Variants in AMHR2 observed in about 807,000 individuals in gnomAD.
AMHR2 encodes anti-Muellerian hormone type-2 receptor.
Under a neutral mutation model 61.4 loss-of-function variants are expected in AMHR2, and 36 were observed. The observed-to-expected ratio is 0.59, with a 90% confidence interval of 0.45 to 0.77. The LOEUF is 0.77. Among genes scored for constraint, AMHR2 ranks in the 30% least tolerant of loss-of-function variants. The pLI, the probability that AMHR2 is intolerant of heterozygous loss-of-function variation, is 0.00. For missense variants in AMHR2, 638 were observed against 714.6 expected, an observed-to-expected ratio of 0.89 and a Z score of 1.22; for synonymous variants, 258 against 279.4, an observed-to-expected ratio of 0.92 and a Z score of 0.76.
chr12:53,424,635 CTG>C, intron 2 of AMHR2, 72 bp from the exon 3 acceptor site: 1 of 1,543,872 alleles, frequency 6.5e-7, no homozygotes, highest in Non-Finnish European at 8.9e-7. Flanking sequence ...GATTTACCCT[CTG>C]TTTCCACACC....
chr12:53,424,589 C>A, intron 2 of AMHR2, 119 bp downstream of exon 2: 1 of 1,542,940 alleles, frequency 6.5e-7, no homozygotes, highest in East Asian at 2.3e-5. Context: ...AAGAAAAGCC[C>A]ATGAGAGCTG....
rs1939865092 is a variant in AMHR2, at chr12:53,429,002, G to A, written c.959G>A (p.Trp320Ter). ...QGLAFLHEER[W>*]QNGQYKPGIA... ...CTGGCATTTCTCCATGAGGAGCGCT[G>A]GCAGAATGGTGGGTGAGCTGGGCAT... Residue 320 changes from tryptophan (W) to a stop codon, truncating the protein, a stop_gained, in exon 7 of 11, where the codon TGG becomes TAG. Transcript: ENST00000257863. LOFTEE classifies it high-confidence loss of function. The A allele has an allele frequency of 6.4e-7, 1 of 1,550,946 alleles. No homozygotes were observed. Among genetic ancestry groups the A allele is most frequent in the Admixed American group, 2.0e-5 (1 of 50,974 alleles).
chr12:53,424,353 C>G lies in AMHR2; in HGVS notation c.115C>G (p.Leu39Val), dbSNP rs1017890346. 3 of 1,613,446 alleles carry G rather than the reference C, an allele frequency of 1.9e-6. No individual in the cohort carries two copies. The highest frequency in any genetic ancestry group is 2.5e-6 in the Non-Finnish European group (3 of 1,180,030). ...APGVRGSTKT[L>V]GELLDTGTEL... ...TGGAGTGCGGGGAAGCACAAAGACA[C>G]TGGGAGAGCTGCTAGATACAGGCAC... is the stretch of plus-strand genomic sequence containing the variant. The change falls in exon 2 of 11, where the codon CTG (leucine) becomes GTG (valine). Residue 39 changes from leucine to valine, a missense_variant. Physicochemically the swap from Leu to Val is conservative, Grantham distance 32 (BLOSUM62 1). Coordinates refer to ENST00000257863, the MANE Select transcript of AMHR2 (RefSeq NM_020547.3).
rs784890 is a variant in AMHR2, at chr12:53,429,523, G to A, written c.1038G>A (p.Ser346=). The A allele has an allele frequency of 0.026, 42,643 of 1,613,314 alleles. 9,038 individuals are homozygous for A. The African/African-American group carries it at 0.48, about 18-fold the overall frequency. ...SQNVLIREDG[S]CAIGDLGLAL... is the part of the protein sequence containing the mutation. ...ATGTGCTCATTCGGGAAGATGGATC[G>A]TGTGCCATTGGAGACCTGGGCCTTG... Residue 346 remains serine, a synonymous_variant, in exon 8 of 11, where the codon TCG becomes TCA. Coordinates refer to ENST00000257863, the MANE Select transcript of AMHR2 (RefSeq NM_020547.3).
Position 53,431,477 on chromosome 12 carries a change from T to G in AMHR2, c.*4T>G, listed in dbSNP as rs537085603. 25 of 1,614,228 alleles carry G rather than the reference T, an allele frequency of 1.5e-5. No individual in the cohort carries two copies. In the East Asian group the frequency reaches 2.9e-4, roughly 19 times the overall value. Reference sequence around the variant, plus strand: ...CTGTACCCTTTCTCCTGTGTAAATATGCAGTTTATGTGTCATCAATGTACA... The same window carrying G: ...CTGTACCCTTTCTCCTGTGTAAATAGGCAGTTTATGTGTCATCAATGTACA... On this transcript the variant is annotated 3_prime_UTR_variant, in exon 11 of 11. Transcript: ENST00000257863.
chr12:53,429,114 C>CG, intron 7 of AMHR2, 104 bp downstream of exon 7: 3 of 1,110,076 alleles, frequency 2.7e-6, no homozygotes, highest in Non-Finnish European at 4.0e-6. Context: ...GAGGAAGAGC[C>CG]GGGCACGGTG....
intron 9 of AMHR2, 34 bp downstream of exon 9, chr12:53,430,012 C>A (rs761389371): frequency 6.2e-7 from 1 of 1,614,162 alleles, no homozygotes. Flanking sequence ...CTCTCCTGGG[C>A]TCCCCCCCGC....
rs368257761 is a variant in AMHR2, at chr12:53,424,457, G to A, written c.219G>A (p.Gln73=). 3.0e-4 allele frequency: 483 copies of A among 1,613,076 alleles called. 2 individuals are homozygous for A. The highest frequency in any genetic ancestry group is 1.2e-3 in the South Asian group (112 of 90,968). The change falls in exon 2 of 11, where the codon CAG becomes CAA. Residue 73 remains glutamine (Q), a synonymous_variant. Transcript: ENST00000257863. ...GIWNLTQDRA[Q]VEMQGCRDSD... Reference sequence around the variant, plus strand: ...GGAACCTGACCCAAGACCGGGCACAGGTGGAAATGCAAGGTGAATGGCAAA... The same window carrying A: ...GGAACCTGACCCAAGACCGGGCACAAGTGGAAATGCAAGGTGAATGGCAAA...
At chr12:53,431,062 A>G (rs1940058198) in intron 10 of AMHR2, 115 bp from the exon 11 acceptor site, 1 of 1,315,040 alleles carries the variant, frequency 7.6e-7, no homozygotes, top group South Asian at 1.2e-5. Flanking sequence ...GGCTCCAGGA[A>G]AGATCAGAAG....
Position 53,424,294 on chromosome 12 carries a change from C to A in AMHR2, c.56C>A (p.Pro19Gln). The A allele has an allele frequency of 1.2e-6, 2 of 1,612,490 alleles. No homozygotes were observed. Among genetic ancestry groups the A allele is most frequent in the South Asian group, 1.1e-5 (1 of 90,998 alleles). The change falls in exon 2 of 11, where the codon CCA becomes CAA. Residue 19 changes from proline (P) to glutamine (Q), a missense_variant. Pro to Gln is a moderately conservative substitution (Grantham distance 76). Transcript: ENST00000257863. ...TCCCCACCCTGGGCCTCAGCACCCC[C>A]AAACAGGCGAACCTGTGTGTTCTTT... The part of the protein sequence containing the change: ...ALLPTAVEAP[P>Q]NRRTCVFFEA...
chr12:53,425,980 G>A (rs1453053433), intron 6 of AMHR2, 61 bp downstream of exon 6: 9 of 1,496,482 alleles, frequency 6.0e-6, no homozygotes, highest in East Asian at 2.3e-5. Flanking sequence ...AGAGGTGGGG[G>A]CTACATGGCA....
At position 53,431,198 on chromosome 12, in the gene AMHR2, C is replaced by A; in HGVS notation, c.1447C>A (p.Leu483Ile). 6.2e-7 allele frequency: 1 copy of A among 1,614,204 alleles called. No homozygotes were observed. The highest frequency in any genetic ancestry group is 1.3e-5 in the African/African-American group (1 of 75,058). The change falls in exon 11 of 11, where the codon CTC (leucine) becomes ATC (isoleucine). Residue 483 changes from leucine (L) to isoleucine (I), a missense_variant. Transcript: ENST00000257863. The part of the protein sequence containing the change: ...FATDPDGLRE[L>I]LEDCWDADPE... ...CCAGGACCCTGATGGGCTGAGGGAG[C>A]TCCTAGAAGACTGTTGGGATGCAGA...
Position 53,429,492 on chromosome 12 carries a change from G to A in AMHR2, c.1007G>A (p.Ser336Asn), listed in dbSNP as rs1251607757. The A allele has an allele frequency of 1.2e-6, 2 of 1,613,734 alleles. No homozygotes were observed. The highest frequency in any genetic ancestry group is 1.7e-6 in the Non-Finnish European group (2 of 1,179,978). The change falls in exon 8 of 11, where the codon AGC becomes AAC. Residue 336 changes from serine to asparagine, a missense_variant. Ser to Asn is a conservative substitution (Grantham distance 46). Transcript: ENST00000257863. The stretch of plus-strand genomic sequence containing the variant: ...GGTATTGCCCACCGAGATCTGAGCA[G>A]CCAGAATGTGCTCATTCGGGAAGAT... Reference protein sequence around the residue: ...KPGIAHRDLSSQNVLIREDGS... With the variant: ...KPGIAHRDLSNQNVLIREDGS...
chr12:53,424,527 G>C, intron 2 of AMHR2, 57 bp downstream of exon 2: 1 of 1,590,730 alleles, frequency 6.3e-7, no homozygotes, highest in South Asian at 1.1e-5. Flanking sequence ...ACACATCCTG[G>C]GGTGTGGGTG....
intron 7 of AMHR2, 53 bp from the exon 8 acceptor site, chr12:53,429,400 A>G: frequency 6.3e-7 from 1 of 1,578,866 alleles, no homozygotes. Flanking sequence ...TCAAAAAAAA[A>G]AAAAGAGGGA....
chr12:53,430,904 G>C (rs1940046999), intron 10 of AMHR2: 1 of 541,176 alleles, frequency 1.8e-6, no homozygotes, highest in Non-Finnish European at 3.3e-6. Flanking sequence ...TGAGAGGAAA[G>C]AGAGTAATTT....
chr12:53,428,993 A>C lies in AMHR2; in HGVS notation c.950A>C (p.Glu317Ala). The C allele has an allele frequency of 6.4e-7, 1 of 1,551,294 alleles. No individual in the cohort carries two copies. Among genetic ancestry groups the C allele is most frequent in the Non-Finnish European group, 8.7e-7 (1 of 1,146,978 alleles). ...GCCCAGGGCCTGGCATTTCTCCATG[A>C]GGAGCGCTGGCAGAATGGTGGGTGA... ...SLAQGLAFLH[E>A]ERWQNGQYKP... The change falls in exon 7 of 11, where the codon GAG (glutamate) becomes GCG (alanine). Residue 317 changes from glutamate (E) to alanine (A), a missense_variant. By Grantham distance (107) the Glu-to-Ala change is moderately radical. Coordinates refer to ENST00000257863, the MANE Select transcript of AMHR2 (RefSeq NM_020547.3).
intron 6 of AMHR2, among the ~76,000 whole-genome samples, 155 bp downstream of exon 6, chr12:53,426,074 T>C (rs943553722): frequency 6.6e-6 from 1 of 152,210 alleles, no homozygotes; most frequent in Non-Finnish European, 1.5e-5. Context: ...CCCACACCTG[T>C]AATCCCAGGA....
intron 9 of AMHR2, 47 bp downstream of exon 9, chr12:53,430,025 A>G (rs765701766): frequency 1.9e-6 from 3 of 1,614,016 alleles, no homozygotes; most frequent in Admixed American, 1.7e-5. Context: ...CCCCCCGCCC[A>G]TTCTAGGTTC....
Sources: gnomAD v4.1 joint callset for allele counts (sites outside exome capture counted in the v4.1 genomes callset) on GRCh38, gnomAD v4.1.1 for gene constraint, MANE v1.5 for transcripts, NCBI Gene and HGNC (gene_info 2026-07-23, HGNC 2026-07-21) for gene names.